Variants in ENTREP1 observed in about 807,000 individuals in gnomAD.
ENTREP1 encodes the protein endosomal transmembrane epsin interactor 1, also known as Friedreich ataxia region gene X123.
the ENTREP1 span, among the ~76,000 whole-genome samples, chr9:69,373,142 T>C: frequency 1.3e-5 from 2 of 152,196 alleles, no homozygotes; most frequent in Admixed American, 1.3e-4. Flanking sequence ...TTATAAAAGT[T>C]TGGGCAAGCC....
chr9:69,330,476 G>T, the ENTREP1 span, among the ~76,000 whole-genome samples: 1 of 152,070 alleles, frequency 6.6e-6, no homozygotes, highest in African/African-American at 2.4e-5. Context: ...TGATTCTTTG[G>T]CAAGGTTCTA....
chr9:69,352,183 C>G, the ENTREP1 span, among the ~76,000 whole-genome samples: 1 of 152,200 alleles, frequency 6.6e-6, no homozygotes, highest in South Asian at 2.1e-4. Flanking sequence ...GTGGCACCAT[C>G]TCAGCTCACT....
chr9:69,331,666 A>G, the ENTREP1 span, among the ~76,000 whole-genome samples: 29 of 152,328 alleles, frequency 1.9e-4, no homozygotes, highest in Middle Eastern at 6.8e-3. Context: ...TAGGAAGCAC[A>G]GGGGATGAAA....
the ENTREP1 span, chr9:69,383,226 AT>A: frequency 1.4e-6 from 1 of 708,084 alleles, no homozygotes; most frequent in Non-Finnish European, 1.7e-6. Flanking sequence ...CATTTAGTGC[AT>A]TCACATTATT....
the ENTREP1 span, among the ~76,000 whole-genome samples, chr9:69,331,879 G>A: frequency 6.6e-6 from 1 of 152,148 alleles, no homozygotes; most frequent in Non-Finnish European, 1.5e-5. Flanking sequence ...CATAATGGGA[G>A]CCATGGAAGG....
the ENTREP1 span, among the ~76,000 whole-genome samples, chr9:69,340,630 T>C: frequency 4.7e-5 from 5 of 106,018 alleles, 1 homozygote; most frequent in African/African-American, 1.7e-4. Context: ...TGTGCATGTG[T>C]GTGTGCGTGC....
chr9:69,375,012 G>A, the ENTREP1 span, among the ~76,000 whole-genome samples: 2 of 152,168 alleles, frequency 1.3e-5, no homozygotes, highest in Non-Finnish European at 2.9e-5. Flanking sequence ...AAATTAATTG[G>A]TATTCGTGAT....
At chr9:69,339,856 A>T in the ENTREP1 span, among the ~76,000 whole-genome samples, 1 of 152,116 alleles carries the variant, frequency 6.6e-6, no homozygotes, top group Non-Finnish European at 1.5e-5. Flanking sequence ...GACCACTCTG[A>T]TTGCTGTGGC....
the ENTREP1 span, among the ~76,000 whole-genome samples, chr9:69,376,107 G>A: frequency 6.6e-6 from 1 of 152,178 alleles, no homozygotes; most frequent in African/African-American, 2.4e-5. Flanking sequence ...AAAATGGAAA[G>A]GAGCCTGACT....
the ENTREP1 span, chr9:69,383,530 T>C: frequency 6.4e-7 from 1 of 1,558,510 alleles, no homozygotes; most frequent in South Asian, 1.2e-5. Flanking sequence ...AGGTGAGTGG[T>C]TTTCCCCACA....
chr9:69,370,006 A>G, the ENTREP1 span, among the ~76,000 whole-genome samples: 1 of 152,140 alleles, frequency 6.6e-6, no homozygotes, highest in Non-Finnish European at 1.5e-5. Flanking sequence ...TAGCTTGCCT[A>G]CTATTGATTT....
the ENTREP1 span, among the ~76,000 whole-genome samples, chr9:69,378,234 TA>T: frequency 6.6e-6 from 1 of 152,188 alleles, no homozygotes; most frequent in Non-Finnish European, 1.5e-5. Context: ...TGTTTCATTG[TA>T]ATACCATCAG....
the ENTREP1 span, among the ~76,000 whole-genome samples, chr9:69,331,048 T>C: frequency 1.3e-5 from 2 of 152,330 alleles, no homozygotes; most frequent in East Asian, 3.9e-4. Flanking sequence ...CAATTTGTTT[T>C]TTTTAATGAG....
chr9:69,359,457 C>A, the ENTREP1 span, among the ~76,000 whole-genome samples: 1 of 152,134 alleles, frequency 6.6e-6, no homozygotes, highest in Non-Finnish European at 1.5e-5. Context: ...TTTTCCTCAT[C>A]CTGTTCTCAT....
the ENTREP1 span, among the ~76,000 whole-genome samples, chr9:69,370,076 A>G: frequency 2.0e-5 from 3 of 152,254 alleles, no homozygotes; most frequent in African/African-American, 7.2e-5. Flanking sequence ...TTTTGGGTTC[A>G]GTGTTAGGAG....
the ENTREP1 span, among the ~76,000 whole-genome samples, chr9:69,363,087 T>A: frequency 6.6e-6 from 1 of 152,190 alleles, no homozygotes; most frequent in Non-Finnish European, 1.5e-5. Flanking sequence ...GATCTTGGAT[T>A]TTGCAATGTA....
At chr9:69,375,711 T>C in the ENTREP1 span, 2 of 1,589,102 alleles carry the variant, frequency 1.3e-6, no homozygotes, top group Non-Finnish European at 1.7e-6. Context: ...ATTAAAGTAT[T>C]TTTTTTTACC....
chr9:69,332,154 T>A, the ENTREP1 span, among the ~76,000 whole-genome samples: 9 of 152,196 alleles, frequency 5.9e-5, no homozygotes, highest in African/African-American at 2.2e-4. Flanking sequence ...GCCTACTTCC[T>A]CTATTTGCTT....
At chr9:69,385,980 G>C in the ENTREP1 span, 1 of 1,565,406 alleles carries the variant, frequency 6.4e-7, no homozygotes, top group South Asian at 1.2e-5. Context: ...TCGCAGGGCT[G>C]TGTGCTTATT....
Sources: gnomAD v4.1 joint callset for allele counts (sites outside exome capture counted in the v4.1 genomes callset) on GRCh38, gnomAD v4.1.1 for gene constraint, MANE v1.5 for transcripts, NCBI Gene and HGNC (gene_info 2026-07-23, HGNC 2026-07-21) for gene names.